CTNNA3: variants seen among roughly 807,000 people sequenced by gnomAD.
The protein encoded by CTNNA3 is catenin alpha-3.
CTNNA3 carries 76 observed loss-of-function variants against 95.7 expected under a neutral mutation model. The observed-to-expected ratio is 0.79, with a 90% confidence interval of 0.66 to 0.96. The LOEUF is 0.96. CTNNA3 is among the 40% of genes least tolerant of loss of function. CTNNA3 has a pLI of 0.00. For synonymous variants in CTNNA3, 431 were observed against 374.4 expected, an observed-to-expected ratio of 1.15 and a Z score of -1.74; for missense variants, 1,191 against 1,089.8, an observed-to-expected ratio of 1.09 and a Z score of -1.31.
intron 3 of CTNNA3, among the ~76,000 whole-genome samples, chr10:67,557,379 A>C (rs890267475): frequency 6.6e-6 from 1 of 152,200 alleles, no homozygotes; most frequent in African/African-American, 2.4e-5. Context: ...TTTAACTTTC[A>C]CCATTAAGCA....
At chr10:67,350,387 T>C (rs1589198971) in intron 5 of CTNNA3, among the ~76,000 whole-genome samples, 1 of 152,078 alleles carries the variant, frequency 6.6e-6, no homozygotes, top group Non-Finnish European at 1.5e-5. Context: ...GTTGCTTTCA[T>C]TTAATGTTAA....
At chr10:66,848,355 C>T (rs1843355814) in intron 7 of CTNNA3, among the ~76,000 whole-genome samples, 1 of 152,114 alleles carries the variant, frequency 6.6e-6, no homozygotes. Flanking sequence ...TAGTCAGGCT[C>T]TGTACACGGT....
chr10:67,058,255 T>C (rs1855556637), intron 7 of CTNNA3, among the ~76,000 whole-genome samples: 1 of 152,218 alleles, frequency 6.6e-6, no homozygotes, highest in South Asian at 2.1e-4. Flanking sequence ...TATTCTGGGA[T>C]TATGCAGATA....
chr10:67,484,028 C>T (rs564302069), intron 5 of CTNNA3, among the ~76,000 whole-genome samples: 2 of 152,180 alleles, frequency 1.3e-5, no homozygotes, highest in African/African-American at 4.8e-5. Context: ...CAAAACAATC[C>T]TAAGCAAATA....
upstream of CTNNA3, among the ~76,000 whole-genome samples, chr10:67,698,589 A>G (rs1406534713): frequency 2.0e-5 from 3 of 152,076 alleles, no homozygotes; most frequent in African/African-American, 4.8e-5. Context: ...TTTTGCATGA[A>G]CCATGAGTCC....
At chr10:66,492,345 G>A (rs867824978) in intron 11 of CTNNA3, among the ~76,000 whole-genome samples, 6 of 152,114 alleles carry the variant, frequency 3.9e-5, no homozygotes, top group Middle Eastern at 6.8e-3. Flanking sequence ...GTGCAGTGGT[G>A]CAATCATAGC....
intron 1 of CTNNA3, among the ~76,000 whole-genome samples, chr10:67,668,381 A>G (rs1840369088): frequency 6.6e-6 from 1 of 152,210 alleles, no homozygotes; most frequent in Admixed American, 6.5e-5. Context: ...CAAGACCCAT[A>G]GTGAATTCCT....
chr10:67,379,944 C>A (rs1589233229), intron 5 of CTNNA3, among the ~76,000 whole-genome samples: 1 of 149,314 alleles, frequency 6.7e-6, no homozygotes, highest in East Asian at 2.0e-4. Context: ...TGGTGTGAAC[C>A]CGGGAGGCGG....
chr10:66,519,312 C>T lies in CTNNA3; in HGVS notation c.1531+1305G>A, dbSNP rs59507397. ...TGTGATGAGATAATAATCTGGGCTT[C>T]ACATGGAATCTCAACCTTGTCTGTT... On this transcript the variant is annotated intron_variant, in intron 11 of 17. Transcript: ENST00000433211. Among the ~76,000 whole-genome samples the T allele has an allele frequency of 8.4e-3, 1,277 of 152,014 alleles. 23 individuals are homozygous for T. The highest frequency in any genetic ancestry group is 0.029 in the African/African-American group (1,208 of 41,310).
At chr10:66,669,855 G>A (rs1376618805) in intron 9 of CTNNA3, among the ~76,000 whole-genome samples, 1 of 152,142 alleles carries the variant, frequency 6.6e-6, no homozygotes, top group Non-Finnish European at 1.5e-5. Flanking sequence ...CAATCTTACA[G>A]CCCTGAGAGG....
At chr10:66,352,612 T>C (rs2092575435) in intron 12 of CTNNA3, among the ~76,000 whole-genome samples, 1 of 152,022 alleles carries the variant, frequency 6.6e-6, no homozygotes, top group Admixed American at 6.6e-5. Context: ...AATTGTGTCA[T>C]TAAATGTGGC....
At chr10:66,103,837 A>G (rs917078712) in intron 13 of CTNNA3, among the ~76,000 whole-genome samples, 5 of 152,178 alleles carry the variant, frequency 3.3e-5, no homozygotes, top group Non-Finnish European at 7.3e-5. Context: ...TATACTAAAA[A>G]ACACTGAGTT....
intron 7 of CTNNA3, among the ~76,000 whole-genome samples, chr10:66,904,122 T>A (rs12263898): frequency 0.084 from 12,789 of 152,118 alleles, 640 homozygotes; most frequent in African/African-American, 0.14. Flanking sequence ...CTTCAAACTA[T>A]ACTACAAGGC....
intron 11 of CTNNA3, among the ~76,000 whole-genome samples, 164 bp downstream of exon 11, chr10:66,520,443 GGTTTCATCAT>G (rs144172538): frequency 7.5e-4 from 113 of 151,132 alleles, no homozygotes; most frequent in Non-Finnish European, 1.2e-3. Context: ...GTAGAGCGGG[GGTTTCATCAT>G]GTTGGCCAGG....
At chr10:66,572,980 C>T (rs1374521043) in intron 10 of CTNNA3, among the ~76,000 whole-genome samples, 1 of 152,100 alleles carries the variant, frequency 6.6e-6, no homozygotes, top group East Asian at 1.9e-4. Context: ...TGTGTTTCCC[C>T]TAATGAAAAA....
intron 9 of CTNNA3, among the ~76,000 whole-genome samples, chr10:66,632,783 A>T (rs1486732601): frequency 6.6e-6 from 1 of 151,986 alleles, no homozygotes; most frequent in African/African-American, 2.4e-5. Flanking sequence ...AATACAAAAG[A>T]TAGGCAAAAC....
chr10:67,086,316 C>T (rs1564881403), intron 7 of CTNNA3, among the ~76,000 whole-genome samples: 1 of 151,976 alleles, frequency 6.6e-6, no homozygotes, highest in African/African-American at 2.4e-5. Flanking sequence ...CTGGCAGATG[C>T]ATACAGAATA....
intron 13 of CTNNA3, among the ~76,000 whole-genome samples, chr10:66,247,046 C>T (rs2090358720): frequency 3.8e-5 from 1 of 26,292 alleles, no homozygotes; most frequent in Admixed American, 3.7e-4. Flanking sequence ...AAGACTCCAT[C>T]TCAAAAAAAA....
chr10:66,167,905 C>G lies in CTNNA3; in HGVS notation c.1885-64656G>C, dbSNP rs370525011. Among the ~76,000 whole-genome samples, 6 of 152,220 alleles carry G rather than the reference C, an allele frequency of 3.9e-5. No homozygotes were observed. The East Asian group carries it at 1.2e-3, about 29-fold the overall frequency. ...TCCAGAAATTGGCCTGCCTTAATAT[C>G]CCAGATACACCTAGTCATCGGCTAA... On this transcript the variant is annotated intron_variant, in intron 13 of 17. Transcript: ENST00000433211.
Sources: allele counts gnomAD v4.1 joint callset (sites outside exome capture counted in the v4.1 genomes callset), GRCh38; gene constraint gnomAD v4.1.1; transcripts MANE v1.5; gene names NCBI Gene and HGNC (gene_info 2026-07-23, HGNC 2026-07-21).